DLGAP1: variants seen among roughly 807,000 people sequenced by gnomAD.
DLGAP1 encodes DLG associated protein 1.
A neutral mutation model predicts 90.8 loss-of-function variants in DLGAP1; 11 were observed. The ratio of observed to expected loss-of-function variants is 0.12; its 90% confidence interval spans 0.08 to 0.20. The LOEUF (loss-of-function observed/expected upper bound fraction) is 0.20, where lower values mean the gene tolerates loss of function less well. Ranked by LOEUF, DLGAP1 falls within the 10% of genes least tolerant of loss-of-function variation. The pLI, the probability that DLGAP1 is intolerant of heterozygous loss-of-function variation, is 1.00. For missense variants in DLGAP1, 1,050 were observed against 1,333.8 expected, an observed-to-expected ratio of 0.79 and a Z score of 3.31; for synonymous variants, 558 against 540.7, an observed-to-expected ratio of 1.03 and a Z score of -0.44.
chr18:4,400,917 C>G lies in DLGAP1; in HGVS notation c.-267+54089G>C, dbSNP rs555297531. ...TTTCCTTTCCCTGAATTCAGCCTAT[C>G]CTCCCTACTGAAGTTTACTTTTTGT... On this transcript the variant is annotated intron_variant, in intron 1 of 12. Coordinates refer to ENST00000315677, the MANE Select transcript of DLGAP1 (RefSeq NM_004746.4). 1.2e-4 allele frequency among the ~76,000 whole-genome samples: 18 copies of G among 152,268 alleles called. No individual in the cohort carries two copies. The East Asian group carries it at 3.5e-3, about 29-fold the overall frequency.
At chr18:3,802,626 T>C (rs2066362387) in intron 5 of DLGAP1, among the ~76,000 whole-genome samples, 1 of 152,348 alleles carries the variant, frequency 6.6e-6, no homozygotes, top group Middle Eastern at 3.4e-3. Context: ...TGGACAAATA[T>C]AGCACTTTTA....
chr18:3,973,334 G>T (rs531296764), intron 3 of DLGAP1, among the ~76,000 whole-genome samples: 1 of 150,494 alleles, frequency 6.6e-6, no homozygotes, highest in South Asian at 2.1e-4. Context: ...TTTTAATCAG[G>T]TTGTAAGATT....
intron 7 of DLGAP1, among the ~76,000 whole-genome samples, chr18:3,619,404 G>A (rs970476827): frequency 2.6e-5 from 4 of 152,334 alleles, no homozygotes; most frequent in East Asian, 1.9e-4. Flanking sequence ...GGGCAGGGGC[G>A]CTGCTGACCT....
chr18:3,857,872 C>T (rs979696360), intron 4 of DLGAP1, among the ~76,000 whole-genome samples: 2 of 152,186 alleles, frequency 1.3e-5, no homozygotes, highest in African/African-American at 4.8e-5. Context: ...CTTCATTCCT[C>T]CCTCTTCCTC....
At chr18:4,008,372 T>C (rs548302400) in intron 2 of DLGAP1, among the ~76,000 whole-genome samples, 15 of 152,274 alleles carry the variant, frequency 9.9e-5, no homozygotes, top group Admixed American at 9.2e-4. Context: ...TTTTCAGGTA[T>C]AGTTAAACAA....
At chr18:3,513,134 C>T (rs1036203339) in intron 10 of DLGAP1, among the ~76,000 whole-genome samples, 2 of 152,176 alleles carry the variant, frequency 1.3e-5, no homozygotes, top group African/African-American at 4.8e-5. Flanking sequence ...ATTTGTTCTC[C>T]AGTGACTGGC....
At chr18:4,184,593 A>G (rs2077260897) in intron 1 of DLGAP1, among the ~76,000 whole-genome samples, 1 of 152,132 alleles carries the variant, frequency 6.6e-6, no homozygotes, top group Non-Finnish European at 1.5e-5. Flanking sequence ...AATCACCGAT[A>G]AGCCTATATA....
chr18:4,303,303 C>A (rs1397309885), intron 1 of DLGAP1, among the ~76,000 whole-genome samples: 1 of 151,696 alleles, frequency 6.6e-6, no homozygotes, highest in Non-Finnish European at 1.5e-5. Flanking sequence ...GTTGGGAGAC[C>A]AGGTTAATGT....
At chr18:3,577,280 C>T (rs560476191) in intron 8 of DLGAP1, among the ~76,000 whole-genome samples, 83 of 152,350 alleles carry the variant, frequency 5.4e-4, no homozygotes, top group South Asian at 1.2e-3. Context: ...TTCTTCTGAG[C>T]TCCTAAACTT....
At chr18:3,598,400 G>A (rs1284787544) in intron 7 of DLGAP1, 4 of 151,302 alleles carry the variant, frequency 2.6e-5, no homozygotes, top group African/African-American at 9.7e-5. Flanking sequence ...GTCACTGATA[G>A]AGAAGGACAT....
chr18:4,202,552 AAC>A (rs1260420535), intron 1 of DLGAP1, among the ~76,000 whole-genome samples: 1 of 152,244 alleles, frequency 6.6e-6, no homozygotes, highest in Non-Finnish European at 1.5e-5. Flanking sequence ...AGTTGAAATC[AAC>A]AGTGATAAAA....
chr18:4,327,744 A>AC, intron 1 of DLGAP1, among the ~76,000 whole-genome samples: 1 of 152,078 alleles, frequency 6.6e-6, no homozygotes, highest in East Asian at 1.9e-4. Context: ...CAATAGTGTC[A>AC]CCCCATTTCC....
chr18:3,523,843 G>A (rs1223575488), intron 10 of DLGAP1, among the ~76,000 whole-genome samples: 7 of 127,578 alleles, frequency 5.5e-5, no homozygotes, highest in Non-Finnish European at 1.2e-4. Flanking sequence ...GCAAGACTCT[G>A]TCTCAAAAAA....
intron 7 of DLGAP1, among the ~76,000 whole-genome samples, chr18:3,669,383 T>C (rs1030060336): frequency 2.0e-5 from 3 of 152,052 alleles, no homozygotes; most frequent in African/African-American, 7.2e-5. Context: ...TGCCCAAATG[T>C]TGCATTTTCC....
At chr18:4,069,447 G>A (rs762864022) in intron 2 of DLGAP1, among the ~76,000 whole-genome samples, 12 of 152,162 alleles carry the variant, frequency 7.9e-5, no homozygotes, top group Admixed American at 6.5e-4. Context: ...GATGTTGAAG[G>A]TGGGGCCTGG....
intron 1 of DLGAP1, among the ~76,000 whole-genome samples, chr18:4,441,138 T>C (rs2083527708): frequency 6.6e-6 from 1 of 152,256 alleles, no homozygotes; most frequent in Non-Finnish European, 1.5e-5. Context: ...CTCTAAATTG[T>C]GTCCTTATTG....
Position 3,499,617 on chromosome 18 carries a change from G to C in DLGAP1, c.2725-223C>G, listed in dbSNP as rs927516385. On this transcript the variant is annotated intron_variant, in intron 12 of 12. Transcript: ENST00000315677. This position sits in a 1 kb window ranked among gnomAD's most constrained non-coding sequence, Gnocchi z 6.4. The stretch of plus-strand genomic sequence containing the variant: ...AAGCTTAAGGCCCAGGGTAAGGCTG[G>C]GTTGCAGAACTAGGTCTCTCCAAGG... Among the ~76,000 whole-genome samples, 4 of 152,106 alleles carry C rather than the reference G, an allele frequency of 2.6e-5. No homozygotes were observed. The highest frequency in any genetic ancestry group is 7.2e-5 in the African/African-American group (3 of 41,442).
chr18:3,546,028 A>G (rs2144701681), intron 9 of DLGAP1, among the ~76,000 whole-genome samples: 1 of 152,368 alleles, frequency 6.6e-6, no homozygotes, highest in African/African-American at 2.4e-5. Context: ...TATTTCAACA[A>G]TACTTTCTCG....
At chr18:4,126,119 C>T (rs951686991) in intron 2 of DLGAP1, among the ~76,000 whole-genome samples, 1 of 152,212 alleles carries the variant, frequency 6.6e-6, no homozygotes. Context: ...AGGCAGCCTG[C>T]ACCGAGCAGG....
Sources: allele counts gnomAD v4.1 joint callset (sites outside exome capture counted in the v4.1 genomes callset), GRCh38; gene constraint gnomAD v4.1.1; non-coding constraint Gnocchi (gnomAD v3.1); transcripts MANE v1.5; gene names NCBI Gene and HGNC (gene_info 2026-07-23, HGNC 2026-07-21).